PTBP3: variants seen among roughly 807,000 people sequenced by gnomAD.
The protein encoded by PTBP3 is polypyrimidine tract binding protein 3.
A neutral mutation model predicts 58.7 loss-of-function variants in PTBP3; 20 were observed. The ratio of observed to expected loss-of-function variants is 0.34; its 90% CI spans 0.24 to 0.50. The LOEUF is 0.50. Ranked by LOEUF, PTBP3 falls within the 20% of genes least tolerant of loss-of-function variation. The pLI is 0.98. For synonymous variants in PTBP3, 185 were observed against 219.8 expected, an observed-to-expected ratio of 0.84 and a Z score of 1.40; for missense variants, 509 against 637.2, an observed-to-expected ratio of 0.80 and a Z score of 2.17.
intron 9 of PTBP3, 133 bp downstream of exon 9, chr9:112,231,966 A>G (rs200788661): frequency 0.019 from 3,352 of 179,706 alleles, 27 homozygotes; most frequent in African/African-American, 0.027. Flanking sequence ...AGAGAAGAGA[A>G]GAGAGAAGAG....
intron 2 of PTBP3, among the ~76,000 whole-genome samples, chr9:112,295,196 G>A (rs553193130): frequency 5.3e-5 from 8 of 150,140 alleles, no homozygotes; most frequent in East Asian, 1.9e-4. Flanking sequence ...CAGAGACTGC[G>A]CCACTGCACT....
intron 1 of PTBP3, chr9:112,330,601 TGA>T: frequency 1.6e-6 from 1 of 624,204 alleles, no homozygotes; most frequent in Non-Finnish European, 2.7e-6. Flanking sequence ...AAGAATGTGA[TGA>T]GTTGTGAAAT....
chr9:112,296,268 CA>C (rs1828684719), intron 2 of PTBP3, among the ~76,000 whole-genome samples: 1 of 152,008 alleles, frequency 6.6e-6, no homozygotes, highest in African/African-American at 2.4e-5. Flanking sequence ...TTTTTAATAA[CA>C]ACACCTAAAT....
At chr9:112,277,873 CA>C (rs1012757582) in intron 2 of PTBP3, among the ~76,000 whole-genome samples, 4 of 149,934 alleles carry the variant, frequency 2.7e-5, no homozygotes, top group African/African-American at 9.9e-5. Flanking sequence ...GACTCTGTCT[CA>C]AAATAACGTA....
intron 2 of PTBP3, among the ~76,000 whole-genome samples, chr9:112,287,593 G>A (rs145312625): frequency 0.056 from 8,557 of 151,458 alleles, 327 homozygotes; most frequent in Non-Finnish European, 0.087. Flanking sequence ...CACCCGCCTC[G>A]GCCTCCCAAA....
At position 112,237,479 on chromosome 9, in the gene PTBP3, GTGT is replaced by G. The variant is rs1427936556; in HGVS notation, c.803-2585_803-2583del. Among the ~76,000 whole-genome samples the G allele has an allele frequency of 5.9e-5, 9 of 152,274 alleles. No individual in the cohort carries two copies. In the East Asian group the frequency reaches 1.5e-3, roughly 26 times the overall value. On this transcript the variant is annotated intron_variant, in intron 7 of 13. Transcript: ENST00000374257. ...TAACCCATGAAATCAGTTTATCACA[GTGT>G]TATTTGAAATAGCAAAATCCTAAAG...
intron 12 of PTBP3, among the ~76,000 whole-genome samples, chr9:112,224,921 G>A (rs1352492730): frequency 2.6e-5 from 4 of 152,126 alleles, no homozygotes; most frequent in Non-Finnish European, 4.4e-5. Flanking sequence ...AGCCATTTTG[G>A]AAATGGATCC....
intron 1 of PTBP3, among the ~76,000 whole-genome samples, chr9:112,311,017 T>G (rs1829451890): frequency 1.3e-5 from 2 of 152,054 alleles, no homozygotes; most frequent in Non-Finnish European, 2.9e-5. Flanking sequence ...CTGAGCGAAA[T>G]GAGGGAAAGA....
At chr9:112,354,869 G>C in the PTBP3 span, among the ~76,000 whole-genome samples, 1 of 152,180 alleles carries the variant, frequency 6.6e-6, no homozygotes, top group Non-Finnish European at 1.5e-5. Context: ...ATGCTATCTT[G>C]ATAGTGAGCA....
chr9:112,368,524 TG>T, the PTBP3 span, among the ~76,000 whole-genome samples: 2 of 21,030 alleles, frequency 9.5e-5, no homozygotes, highest in Admixed American at 6.4e-4. Flanking sequence ...TATCAAATCT[TG>T]GCTTTTTTTT....
intron 7 of PTBP3, among the ~76,000 whole-genome samples, chr9:112,240,597 G>T (rs1589811247): frequency 6.7e-6 from 1 of 150,076 alleles, no homozygotes; most frequent in East Asian, 1.9e-4. Flanking sequence ...TTATTATATA[G>T]TATATACTAT....
At position 112,252,691 on chromosome 9, in the gene PTBP3, T is replaced by C; in HGVS notation, c.614A>G (p.His205Arg). 3 of 1,596,218 alleles carry C rather than the reference T, an allele frequency of 1.9e-6. No homozygotes were observed. Among genetic ancestry groups the C allele is most frequent in the Non-Finnish European group, 2.6e-6 (3 of 1,164,242 alleles). Reference protein sequence around the residue: ...LLQYADPVNAHYAKMALDGQN... With the variant: ...LLQYADPVNARYAKMALDGQN... ...GATCATAATTACCATTTTGGCATAA[T>C]GTGCATTTACTGGGTCAGCATACTG... The change falls in exon 6 of 14, where the codon CAT (histidine) becomes CGT (arginine). Residue 205 changes from histidine to arginine, a missense_variant. By Grantham distance (29) the His-to-Arg change is conservative. Around this residue, in one of 4 missense-constraint regions of PTBP3, gnomAD observed 41 missense variants for 78.0 expected, o/e 0.53. Transcript: ENST00000374257.
At position 112,243,964 on chromosome 9, in the gene PTBP3, T is replaced by C. The variant is rs540408756; in HGVS notation, c.802+6965A>G. Among the ~76,000 whole-genome samples, 114 of 152,034 alleles carry C rather than the reference T, an allele frequency of 7.5e-4. 3 individuals are homozygous for C. The highest frequency in any genetic ancestry group is 4.1e-4 in the South Asian group (2 of 4,826). Reference sequence around the variant, plus strand: ...ATCAGAATACAAAAAGTATGGTTCTTAGACACCACACTATGCCATGTAAAA... The same window carrying C: ...ATCAGAATACAAAAAGTATGGTTCTCAGACACCACACTATGCCATGTAAAA... On this transcript the variant is annotated intron_variant, in intron 7 of 13. Coordinates refer to ENST00000374257, the MANE Select transcript of PTBP3 (RefSeq NM_001163788.4).
chr9:112,364,315 G>A, the PTBP3 span, among the ~76,000 whole-genome samples: 1 of 150,020 alleles, frequency 6.7e-6, no homozygotes, highest in East Asian at 2.0e-4. Flanking sequence ...TTGCAAAGCA[G>A]AAGAAAAGCA....
chr9:112,297,690 T>C, intron 2 of PTBP3, 142 bp downstream of exon 2: 4 of 557,668 alleles, frequency 7.2e-6, no homozygotes, highest in South Asian at 2.9e-5. Context: ...ATGTAAACAG[T>C]ATATAGTACT....
rs772431593 is a variant in PTBP3, at chr9:112,218,562, T to C, written c.*5289A>G. 5.2e-5 allele frequency: 8 copies of C among 152,650 alleles called. No individual in the cohort carries two copies. The highest frequency in any genetic ancestry group is 1.3e-4 in the Admixed American group (2 of 15,282). 9.5% of individuals were successfully genotyped at this position (152,650 alleles called of 1,614,324 possible). A position where few individuals can be genotyped will look rare whatever the true frequency, so the allele number is the denominator to read the frequency against. ...ATACAAACTGAACGAAAATGGAATA[T>C]ACTGTAGTGTACAGAAGCTTGAATT... is the stretch of plus-strand genomic sequence containing the variant. On this transcript the variant is annotated 3_prime_UTR_variant, in exon 14 of 14. Transcript: ENST00000374257.
the PTBP3 span, among the ~76,000 whole-genome samples, chr9:112,345,326 T>C: frequency 2.0e-4 from 20 of 97,830 alleles, no homozygotes; most frequent in Admixed American, 2.2e-3. Context: ...AGAGACAGAG[T>C]AAGACCCTCA....
At chr9:112,372,244 T>C in the PTBP3 span, among the ~76,000 whole-genome samples, 5 of 152,138 alleles carry the variant, frequency 3.3e-5, no homozygotes, top group Non-Finnish European at 7.4e-5. Context: ...GTCCAGCTAA[T>C]TAAAAGAATT....
intron 2 of PTBP3, among the ~76,000 whole-genome samples, chr9:112,281,788 T>C (rs1429724398): frequency 6.6e-6 from 1 of 152,218 alleles, no homozygotes. Flanking sequence ...AAAGAATTTG[T>C]GCACTTCATC....
Sources: gnomAD v4.1 joint callset for allele counts (sites outside exome capture counted in the v4.1 genomes callset) on GRCh38, gnomAD v4.1.1 for gene constraint, gnomAD v4.1.1 regional missense constraint, MANE v1.5 for transcripts, NCBI Gene and HGNC (gene_info 2026-07-23, HGNC 2026-07-21) for gene names.